KIFC3: variants seen among roughly 807,000 people sequenced by gnomAD.
KIFC3 encodes the protein kinesin family member C3, also known as kinesin-like protein KIFC3.
KIFC3 carries 60 observed loss-of-function variants against 101.8 expected under a neutral mutation model. The observed-to-expected ratio is 0.59, with a 90% CI of 0.48 to 0.73. The LOEUF is 0.73. Ranked by LOEUF, KIFC3 falls within the 30% of genes least tolerant of loss-of-function variation. The probability of loss-of-function intolerance (pLI) is 0.00; values close to 1 mark genes in which losing one functional copy is unlikely to be tolerated. For synonymous variants in KIFC3, 476 were observed against 482.7 expected (o/e 0.99, Z 0.18); for missense variants, 966 against 1,137.1 (o/e 0.85, Z 2.16).
chr16:57,765,204 C>A (rs1597904607), intron 11 of KIFC3, among the ~76,000 whole-genome samples: 1 of 151,240 alleles, frequency 6.6e-6, no homozygotes, highest in Admixed American at 6.6e-5. Flanking sequence ...GCCTTGGGGA[C>A]GGGAGGAACC....
chr16:57,758,230 CTTCTT>C lies in KIFC3; in HGVS notation c.*699_*703del, dbSNP rs1372452965. On this transcript the variant is annotated 3_prime_UTR_variant, in exon 20 of 20. Transcript: ENST00000445690. ...TTCAGACCATACTTGTGTAAAAAGG[CTTCTT>C]TTATTTTAATAAGTAAAAATGGCTA... The C allele has an allele frequency of 1.1e-4, 24 of 227,490 alleles. No individual in the cohort carries two copies. Among genetic ancestry groups the C allele is most frequent in the Admixed American group, 8.4e-4 (16 of 18,948 alleles). 14.1% of individuals were successfully genotyped at this position (227,490 alleles called of 1,614,324 possible). A position where few individuals can be genotyped will look rare whatever the true frequency, so the allele number is the denominator to read the frequency against.
At chr16:57,812,750 G>A (rs559860486) in intron 1 of KIFC3, among the ~76,000 whole-genome samples, 5 of 152,198 alleles carry the variant, frequency 3.3e-5, no homozygotes, top group Admixed American at 1.3e-4. Context: ...CCGAAACACC[G>A]GGCTGGCCAG....
rs781881162 is a variant in KIFC3, at chr16:57,760,900, G to A, written c.2058C>T (p.Ala686=). 2.2e-5 allele frequency: 35 copies of A among 1,609,636 alleles called. 1 individual carries two copies. The highest frequency in any genetic ancestry group is 1.6e-4 in the Middle Eastern group (1 of 6,076). Residue 686 remains alanine (A), a synonymous_variant, in exon 16 of 20, where the codon GCC becomes GCT. Coordinates refer to ENST00000445690, the MANE Select transcript of KIFC3 (RefSeq NM_001130100.2). The part of the protein sequence containing the change: ...AGSERVGKSG[A]EGSRLREAQH... ...GCGCCTCCCGCAGGCGGCTGCCCTC[G>A]GCCCCCGACTTGCCCACGCGCTCCG...
At chr16:57,855,832 G>A (rs62041765) in intron 1 of KIFC3, among the ~76,000 whole-genome samples, 1 of 151,618 alleles carries the variant, frequency 6.6e-6, no homozygotes, top group South Asian at 2.1e-4. Context: ...TATAGTCCCA[G>A]CTACTAGGGA....
chr16:57,860,436 G>A (rs34860440), intron 1 of KIFC3, among the ~76,000 whole-genome samples: 29,024 of 152,092 alleles, frequency 0.19, 3,097 homozygotes, highest in African/African-American at 0.28. Context: ...CTGGGCAACA[G>A]GAGTGAAACT....
chr16:57,833,408 C>A (rs150380988), intron 1 of KIFC3, among the ~76,000 whole-genome samples: 63 of 152,260 alleles, frequency 4.1e-4, no homozygotes, highest in African/African-American at 1.4e-3. Flanking sequence ...CCACAACACT[C>A]TTCAGATGTG....
At chr16:57,797,455 G>A (rs1403626539) in intron 2 of KIFC3, among the ~76,000 whole-genome samples, 1 of 152,208 alleles carries the variant, frequency 6.6e-6, no homozygotes, top group Non-Finnish European at 1.5e-5. Context: ...AGCACCGGGG[G>A]ACATGACCCA....
chr16:57,770,802 C>G, intron 6 of KIFC3, 102 bp from the exon 7 acceptor site: 1 of 1,067,632 alleles, frequency 9.4e-7, no homozygotes, highest in Non-Finnish European at 1.3e-6. Flanking sequence ...TCGGGAACAT[C>G]CCACTCAGAA....
At chr16:57,768,509 T>TCACTCACACACACACA in intron 9 of KIFC3, among the ~76,000 whole-genome samples, 1 of 139,030 alleles carries the variant, frequency 7.2e-6, no homozygotes, top group Non-Finnish European at 1.5e-5. Context: ...CCATATATTC[T>TCACTCACACACACACA]CACACACACA....
upstream of KIFC3, among the ~76,000 whole-genome samples, chr16:57,803,998 G>A (rs2054871248): frequency 6.6e-6 from 1 of 152,144 alleles, no homozygotes; most frequent in South Asian, 2.1e-4. Flanking sequence ...GCGGGGGATG[G>A]GGAGGACAGA....
At chr16:57,770,852 C>G in intron 6 of KIFC3, 152 bp from the exon 7 acceptor site, 2 of 714,852 alleles carry the variant, frequency 2.8e-6, no homozygotes, top group Non-Finnish European at 4.3e-6. Context: ...TCCTGGCTTT[C>G]CAGAAAGCTG....
At chr16:57,801,407 G>A (rs923294176) in intron 1 of KIFC3, among the ~76,000 whole-genome samples, 16 of 152,162 alleles carry the variant, frequency 1.1e-4, no homozygotes, top group African/African-American at 3.4e-4. Flanking sequence ...CTGCTCCCTG[G>A]TGCCCCTGTG....
intron 7 of KIFC3, 79 bp downstream of exon 7, chr16:57,770,448 A>ATG: frequency 3.2e-6 from 4 of 1,269,258 alleles, no homozygotes; most frequent in Non-Finnish European, 4.1e-6. Flanking sequence ...GGGGTACCCA[A>ATG]ATGTTTAACC....
intron 1 of KIFC3, among the ~76,000 whole-genome samples, chr16:57,859,922 T>C (rs1415378386): frequency 6.6e-6 from 1 of 151,332 alleles, no homozygotes; most frequent in Non-Finnish European, 1.5e-5. Context: ...TTCAGGAGGC[T>C]GAGGAGGAAA....
chr16:57,862,820 A>G, exon 1 of KIFC3: 1 of 1,288,918 alleles, frequency 7.8e-7, no homozygotes, highest in Non-Finnish European at 1.0e-6. Context: ...CCTGAAAAGA[A>G]ACTCCATCTG....
upstream of KIFC3, among the ~76,000 whole-genome samples, chr16:57,803,806 C>T (rs1227645092): frequency 6.6e-6 from 1 of 152,266 alleles, no homozygotes; most frequent in Non-Finnish European, 1.5e-5. Context: ...GAACACCACA[C>T]TGGAGAACCC....
At chr16:57,782,883 T>C (rs1287425348) in intron 3 of KIFC3, among the ~76,000 whole-genome samples, 2 of 152,206 alleles carry the variant, frequency 1.3e-5, no homozygotes, top group Admixed American at 1.3e-4. Context: ...GAGGTGGAGA[T>C]TGCAGTGAGC....
At chr16:57,770,036 C>A in intron 7 of KIFC3, 81 bp from the exon 8 acceptor site, 2 of 1,519,156 alleles carry the variant, frequency 1.3e-6, no homozygotes, top group South Asian at 1.2e-5. Flanking sequence ...AGAAACTGGT[C>A]ACCTCCCATG....
chr16:57,802,749 C>G (rs900257609), upstream of KIFC3: 5 of 744,626 alleles, frequency 6.7e-6, no homozygotes, highest in Admixed American at 2.4e-5. The surrounding 1 kb of genome is among the most constrained non-coding windows in gnomAD (Gnocchi z 5.0). Flanking sequence ...TCATGCGTTC[C>G]CTGAAGGCTC....
Sources: gnomAD v4.1 joint callset for allele counts (sites outside exome capture counted in the v4.1 genomes callset) on GRCh38, gnomAD v4.1.1 for gene constraint, Gnocchi (gnomAD v3.1) non-coding constraint, MANE v1.5 for transcripts, NCBI Gene and HGNC (gene_info 2026-07-23, HGNC 2026-07-21) for gene names.